MED14: variants seen among roughly 807,000 people sequenced by gnomAD.
MED14 encodes mediator of RNA polymerase II transcription subunit 14.
A neutral mutation model predicts 109.0 loss-of-function variants in MED14; 8 were observed. The ratio of observed to expected loss-of-function variants is 0.07; its 90% CI spans 0.04 to 0.13. MED14 has a LOEUF of 0.13. Ranked by LOEUF, MED14 falls within the 10% of genes least tolerant of loss-of-function variation. MED14 has a pLI of 1.00. For synonymous variants in MED14, 399 were observed against 408.7 expected (o/e 0.98, Z 0.29); for missense variants, 711 against 1,142.4 (o/e 0.62, Z 5.44).
At chrX:40,728,956 T>C (rs1931988600) in intron 2 of MED14, among the ~76,000 whole-genome samples, 1 of 111,068 alleles carries the variant, frequency 9.0e-6, no homozygotes, top group African/African-American at 3.3e-5. Context: ...TAGCTGGGAC[T>C]ACAGGCGCCC....
intron 22 of MED14, among the ~76,000 whole-genome samples, chrX:40,673,260 C>T (rs1414904948): frequency 1.8e-5 from 2 of 112,451 alleles, no homozygotes; most frequent in Non-Finnish European, 3.8e-5. Flanking sequence ...TAAAAGGATT[C>T]TGACTTGGTA....
At chrX:40,705,271 G>A (rs931031863) in intron 10 of MED14, among the ~76,000 whole-genome samples, 1 of 112,241 alleles carries the variant, frequency 8.9e-6, no homozygotes, top group Non-Finnish European at 1.9e-5. Context: ...GACAGGGTAG[G>A]AGTGAATTCT....
chrX:40,736,052 G>C (rs1384014217), upstream of MED14, among the ~76,000 whole-genome samples: 1 of 111,956 alleles, frequency 8.9e-6, no homozygotes, highest in Non-Finnish European at 1.9e-5. Context: ...TTCCTAAGTG[G>C]GGCACAAACA....
Position 40,703,489 on chromosome X carries a change from C to T in MED14, c.1366G>A (p.Val456Ile), listed in dbSNP as rs1471056590. 4 of 1,195,875 alleles carry T rather than the reference C, an allele frequency of 3.3e-6. No individual in the cohort carries two copies. The highest frequency in any genetic ancestry group is 3.4e-6 in the Non-Finnish European group (3 of 883,048). Residue 456 changes from valine (V) to isoleucine (I), a missense_variant, in exon 11 of 31, where the codon GTA becomes ATA. By Grantham distance (29) the Val-to-Ile change is conservative. Transcript: ENST00000324817. ...CGNSECLHIF[V>I]DLHSGMFQLM... ...TGAAACATTCCAGAATGTAAATCTA[C>T]AAAAATGTGCAGACACTCTGAATTA... is the stretch of plus-strand genomic sequence containing the variant.
chrX:40,682,690 T>C lies in MED14; in HGVS notation c.2278A>G (p.Arg760Gly), dbSNP rs1405158852. 1.7e-6 allele frequency: 2 copies of C among 1,206,335 alleles called. No homozygotes were observed. Among genetic ancestry groups the C allele is most frequent in the Non-Finnish European group, 2.2e-6 (2 of 891,115 alleles). ...ENLLSEPVGGRKVVEMFLNDW... is the reference protein window; with the variant it reads ...ENLLSEPVGGGKVVEMFLNDW... ...TTAAGAAACATTTCAACCACCTTTCTACCACCAACAGGCTCAGACAACAGA... is the reference window on the plus strand; with the variant it reads ...TTAAGAAACATTTCAACCACCTTTCCACCACCAACAGGCTCAGACAACAGA... Residue 760 changes from arginine (R) to glycine (G), a missense_variant, in exon 18 of 31, where the codon AGA (arginine) becomes GGA (glycine). Physicochemically the swap from Arg to Gly is moderately radical, Grantham distance 125. This residue lies in a region of MED14 where 388 missense variants were observed against 517.3 expected (regional missense o/e 0.75). Transcript: ENST00000324817.
At chrX:40,716,292 CA>C (rs955594833) in intron 3 of MED14, among the ~76,000 whole-genome samples, 1 of 108,284 alleles carries the variant, frequency 9.2e-6, no homozygotes. Flanking sequence ...GGAGGTTCCT[CA>C]AAAAAAAACT....
chrX:40,732,531 A>G (rs1235337688), intron 1 of MED14, among the ~76,000 whole-genome samples: 1 of 103,003 alleles, frequency 9.7e-6, no homozygotes, highest in Non-Finnish European at 2.0e-5. Context: ...AAAAAAAAAA[A>G]GGTTTGGGAG....
chrX:40,722,739 A>G (rs1455503189), intron 3 of MED14, among the ~76,000 whole-genome samples: 1 of 111,673 alleles, frequency 9.0e-6, no homozygotes. Flanking sequence ...GAAACAAATA[A>G]CATACAATGG....
Position 40,680,048 on chromosome X carries a change from G to A in MED14, c.2696C>T (p.Thr899Ile). The A allele has an allele frequency of 1.7e-6, 2 of 1,210,571 alleles. No individual in the cohort carries two copies. Among genetic ancestry groups the A allele is most frequent in the South Asian group, 3.5e-5 (2 of 56,975 alleles). ...CAGAATGGAGAAGCACTGGTAGGCAGTATTGGTTCTCTGGGTCAAGCCCAA... is the reference window on the plus strand; with the variant it reads ...CAGAATGGAGAAGCACTGGTAGGCAATATTGGTTCTCTGGGTCAAGCCCAA... ...PMLGLTQRTN[T>I]AYQCFSILPQ... is the part of the protein sequence containing the mutation. Residue 899 changes from threonine to isoleucine, a missense_variant, in exon 21 of 31, where the codon ACT (threonine) becomes ATT (isoleucine). Physicochemically the swap from Thr to Ile is moderately conservative, Grantham distance 89 (BLOSUM62 -1). Coordinates refer to ENST00000324817, the MANE Select transcript of MED14 (RefSeq NM_004229.4).
intron 26 of MED14, among the ~76,000 whole-genome samples, chrX:40,661,788 T>C (rs770157009): frequency 1.7e-3 from 190 of 111,967 alleles, no homozygotes; most frequent in African/African-American, 5.5e-3. Context: ...CAGCATAGGA[T>C]AAGTTAGAAG....
chrX:40,667,804 G>C (rs895618141), intron 23 of MED14, among the ~76,000 whole-genome samples: 1 of 112,162 alleles, frequency 8.9e-6, no homozygotes, highest in Non-Finnish European at 1.9e-5. Context: ...AAAGGTGACA[G>C]ACTATGGTAG....
intron 23 of MED14, among the ~76,000 whole-genome samples, chrX:40,668,364 C>A (rs968889589): frequency 6.9e-5 from 5 of 72,926 alleles, no homozygotes; most frequent in East Asian, 9.3e-4. Flanking sequence ...GCCTGTACGA[C>A]AGAGCAAGAC....
Position 40,654,536 on chromosome X carries a change from T to C in MED14, c.4119A>G (p.Thr1373=). 8.3e-7 allele frequency: 1 copy of C among 1,211,427 alleles called. No individual in the cohort carries two copies. Residue 1373 remains threonine, a synonymous_variant, in exon 30 of 31, where the codon ACA becomes ACG. Coordinates refer to ENST00000324817, the MANE Select transcript of MED14 (RefSeq NM_004229.4). ...TAACAGGTTCTTGGGGAGGGACCGA[T>C]GTTTTCTGAGTTAGTTGAAGCTGTA... ...MLFFLQLTQK[T]SVPPQEPVSI...
rs368919834 is a variant in MED14 at position 40,675,310 on chromosome X, C to T, written c.2932G>A (p.Val978Ile). The change falls in exon 22 of 31, where the codon GTA becomes ATA. Residue 978 changes from valine (V) to isoleucine (I), a missense_variant. Physicochemically the swap from Val to Ile is conservative, Grantham distance 29. Coordinates refer to ENST00000324817, the MANE Select transcript of MED14 (RefSeq NM_004229.4). ...GAAGGGGGATTATCGTCCTCATTTA[C>T]AGACCTTCTTCGAGCATCCTGATTG... is the stretch of plus-strand genomic sequence containing the variant. The part of the protein sequence containing the change: ...DSNQDARRRS[V>I]NEDDNPPSPI... 8.4e-7 allele frequency: 1 copy of T among 1,195,984 alleles called. No homozygotes were observed.
intron 21 of MED14, among the ~76,000 whole-genome samples, chrX:40,675,738 A>G (rs1196363730): frequency 8.9e-6 from 1 of 112,251 alleles, no homozygotes; most frequent in Non-Finnish European, 1.9e-5. Context: ...CCAGCTAGTG[A>G]GCCATCTCAC....
At chrX:40,652,025 G>T in intron 30 of MED14, 146 bp from the exon 31 acceptor site, 1 of 585,860 alleles carries the variant, frequency 1.7e-6, no homozygotes, top group Non-Finnish European at 2.4e-6. Flanking sequence ...AGATTATTGG[G>T]GATTAAGCTG....
intron 3 of MED14, among the ~76,000 whole-genome samples, chrX:40,717,010 G>T (rs774756561): frequency 1.8e-5 from 2 of 111,289 alleles, no homozygotes; most frequent in South Asian, 3.8e-4. Flanking sequence ...AGCTGGGAAG[G>T]GGGGAGGAGG....
At chrX:40,654,595 C>T in intron 29 of MED14, 39 bp from the exon 30 acceptor site, 1 of 1,142,043 alleles carries the variant, frequency 8.8e-7, no homozygotes, top group Middle Eastern at 2.7e-4. Flanking sequence ...ATAAAAACAT[C>T]ATAAAACATC....
intron 13 of MED14, among the ~76,000 whole-genome samples, chrX:40,695,232 T>A (rs1181981456): frequency 2.7e-5 from 3 of 112,110 alleles, no homozygotes; most frequent in Non-Finnish European, 5.6e-5. Flanking sequence ...AGATGGAGGC[T>A]ACACAACTGT....
Sources: gnomAD v4.1 joint callset for allele counts (sites outside exome capture counted in the v4.1 genomes callset) on GRCh38, gnomAD v4.1.1 for gene constraint, gnomAD v4.1.1 regional missense constraint, MANE v1.5 for transcripts, NCBI Gene and HGNC (gene_info 2026-07-23, HGNC 2026-07-21) for gene names.